ULK4: variants seen among roughly 807,000 people sequenced by gnomAD.
ULK4 encodes the protein inactive serine/threonine-protein kinase ULK4.
A neutral mutation model predicts 160.6 loss-of-function variants in ULK4; 133 were observed. The observed-to-expected ratio is 0.83, with a 90% CI of 0.72 to 0.96. The LOEUF (loss-of-function observed/expected upper bound fraction) is 0.96, where lower values mean the gene tolerates loss of function less well. ULK4 is among the 40% of genes least tolerant of loss of function. The pLI, the probability that ULK4 is intolerant of heterozygous loss-of-function variation, is 0.00. For synonymous variants in ULK4, 534 were observed against 539.8 expected (o/e 0.99, Z 0.15); for missense variants, 1,580 against 1,499.5 (o/e 1.05, Z -0.89).
rs997689287 is a variant in ULK4 at position 41,475,498 on chromosome 3, A to C, written c.3227-12245T>G. Among the ~76,000 whole-genome samples, 946 of 152,332 alleles carry C rather than the reference A, an allele frequency of 6.2e-3. 7 individuals are homozygous for C. Among genetic ancestry groups the C allele is most frequent in the African/African-American group, 0.022 (905 of 41,576 alleles). ...TATACATTTCAAACATTCTCACCAC[A>C]AAAAAATAAGTATTTGAGATCATGA... is the stretch of plus-strand genomic sequence containing the variant. On this transcript the variant is annotated intron_variant, in intron 32 of 36. Transcript: ENST00000301831.
At chr3:41,305,553 G>A (rs1390607474) in intron 35 of ULK4, among the ~76,000 whole-genome samples, 3 of 152,140 alleles carry the variant, frequency 2.0e-5, no homozygotes, top group Non-Finnish European at 4.4e-5. Flanking sequence ...GTGCAGTGGC[G>A]TGATCTCGGC....
chr3:41,397,635 T>A (rs1377460201), intron 35 of ULK4, among the ~76,000 whole-genome samples: 1 of 152,132 alleles, frequency 6.6e-6, no homozygotes, highest in Non-Finnish European at 1.5e-5. Flanking sequence ...TAAAGACACA[T>A]GTCTACCAAA....
chr3:41,828,909 C>CG (rs2041467971), intron 18 of ULK4, among the ~76,000 whole-genome samples: 1 of 151,960 alleles, frequency 6.6e-6, no homozygotes, highest in Admixed American at 6.6e-5. Context: ...TACAAGGCTA[C>CG]GGTAACCAAA....
intron 35 of ULK4, among the ~76,000 whole-genome samples, chr3:41,283,081 C>A (rs1270170352): frequency 6.6e-6 from 1 of 152,154 alleles, no homozygotes. Context: ...AAATGCAAAT[C>A]AAAACCATAA....
intron 35 of ULK4, among the ~76,000 whole-genome samples, chr3:41,365,870 A>G (rs1487784859): frequency 6.6e-6 from 1 of 152,208 alleles, no homozygotes; most frequent in Non-Finnish European, 1.5e-5. Context: ...AAAAAAAGTT[A>G]AGATGACTGA....
intron 35 of ULK4, among the ~76,000 whole-genome samples, chr3:41,344,161 A>G (rs931402879): frequency 6.6e-6 from 1 of 152,194 alleles, no homozygotes; most frequent in Admixed American, 6.5e-5. Context: ...GAGAACTCAA[A>G]AACAAGACCA....
At chr3:41,316,118 CA>C (rs953497163) in intron 35 of ULK4, among the ~76,000 whole-genome samples, 1 of 151,954 alleles carries the variant, frequency 6.6e-6, no homozygotes, top group African/African-American at 2.4e-5. Context: ...TTAATAATAG[CA>C]AAAGGGGGAA....
intron 31 of ULK4, among the ~76,000 whole-genome samples, chr3:41,601,634 A>C (rs887793059): frequency 1.3e-5 from 2 of 152,178 alleles, no homozygotes; most frequent in Non-Finnish European, 2.9e-5. Flanking sequence ...TGATGTGGTA[A>C]GAATGATACC....
At chr3:41,678,970 C>T (rs181565063) in intron 29 of ULK4, among the ~76,000 whole-genome samples, 57 of 152,286 alleles carry the variant, frequency 3.7e-4, no homozygotes, top group African/African-American at 1.3e-3. Flanking sequence ...CAAGAGTTAT[C>T]TTCAAAGATC....
intron 30 of ULK4, among the ~76,000 whole-genome samples, chr3:41,645,575 G>T (rs1269511986): frequency 1.3e-5 from 2 of 152,020 alleles, no homozygotes; most frequent in East Asian, 1.9e-4. Context: ...TATAATTTCT[G>T]TTCTTTTACA....
rs1252172617 is a variant in ULK4, at chr3:41,884,032, A to T, written c.1578-80T>A. 4.1e-6 allele frequency: 4 copies of T among 970,160 alleles called. No homozygotes were observed. In the East Asian group the frequency reaches 7.3e-5, roughly 18 times the overall value. The allele number at this position is 970,160 out of a possible 1,614,324, so 60.1% of individuals were successfully genotyped here. A position where few individuals can be genotyped will look rare whatever the true frequency, so the allele number is the denominator to read the frequency against. On this transcript the variant is annotated intron_variant, in intron 16 of 36. Coordinates refer to ENST00000301831, the MANE Select transcript of ULK4 (RefSeq NM_017886.4). ...TAATCCCAGCTAGTTACATTATGCA[A>T]TGATGAGCATTAGATATAAGACTGA...
At chr3:41,849,983 C>T (rs1278559977) in intron 17 of ULK4, among the ~76,000 whole-genome samples, 2 of 152,058 alleles carry the variant, frequency 1.3e-5, no homozygotes, top group Non-Finnish European at 2.9e-5. Flanking sequence ...CACAACAGGC[C>T]CTGGTGTGTG....
At chr3:41,578,983 A>C (rs1383117702) in intron 31 of ULK4, among the ~76,000 whole-genome samples, 1 of 152,178 alleles carries the variant, frequency 6.6e-6, no homozygotes, top group Non-Finnish European at 1.5e-5. Context: ...TTCAGTATCT[A>C]TTCTGGGACA....
chr3:41,533,796 G>A (rs559197211), intron 32 of ULK4, among the ~76,000 whole-genome samples: 12 of 152,300 alleles, frequency 7.9e-5, no homozygotes, highest in African/African-American at 2.9e-4. Flanking sequence ...ATAGAAGAGA[G>A]CTAGAAAGTA....
At chr3:41,644,609 G>C (rs1360486051) in intron 30 of ULK4, among the ~76,000 whole-genome samples, 1 of 152,106 alleles carries the variant, frequency 6.6e-6, no homozygotes, top group African/African-American at 2.4e-5. Context: ...ATTTTATTGA[G>C]GATTTTTGCA....
Position 41,495,072 on chromosome 3 carries a change from A to G in ULK4, c.3227-31819T>C, listed in dbSNP as rs145718671. ...CAACGACTTTCTTCACAGAATTGGA[A>G]AAAACAACTTTCAAGTTCATATGGA... On this transcript the variant is annotated intron_variant, in intron 32 of 36. Coordinates refer to ENST00000301831, the MANE Select transcript of ULK4 (RefSeq NM_017886.4). Among the ~76,000 whole-genome samples the G allele has an allele frequency of 8.7e-3, 1,328 of 152,302 alleles. 10 individuals are homozygous for G. Among genetic ancestry groups the G allele is most frequent in the South Asian group, 0.038 (182 of 4,818 alleles).
At chr3:41,681,165 T>C (rs1161517302) in intron 29 of ULK4, among the ~76,000 whole-genome samples, 1 of 152,158 alleles carries the variant, frequency 6.6e-6, no homozygotes. Context: ...AGGAGAAGTC[T>C]CAATTTCATG....
intron 2 of ULK4, among the ~76,000 whole-genome samples, chr3:41,941,681 C>T (rs1373693290): frequency 1.5e-5 from 2 of 133,918 alleles, no homozygotes; most frequent in Non-Finnish European, 3.1e-5. Flanking sequence ...CCATTGAGCC[C>T]GGGAAGTCAA....
intron 30 of ULK4, among the ~76,000 whole-genome samples, chr3:41,645,978 G>A (rs1336865409): frequency 2.6e-5 from 4 of 152,048 alleles, no homozygotes; most frequent in African/African-American, 7.2e-5. Context: ...ATCTTTGTTG[G>A]TTTAAAGTCT....
Sources: gnomAD v4.1 joint callset for allele counts (sites outside exome capture counted in the v4.1 genomes callset) on GRCh38, gnomAD v4.1.1 for gene constraint, MANE v1.5 for transcripts, NCBI Gene and HGNC (gene_info 2026-07-23, HGNC 2026-07-21) for gene names.